CDK7: variants seen among roughly 807,000 people sequenced by gnomAD.
CDK7 encodes cyclin dependent kinase 7, also known as cyclin-dependent kinase 7.
A neutral mutation model predicts 49.1 loss-of-function variants in CDK7; 25 were observed. The observed-to-expected ratio is 0.51, with a 90% CI of 0.37 to 0.71. CDK7 has a LOEUF of 0.71. Among genes scored for constraint, CDK7 ranks in the 30% least tolerant of loss-of-function variants. The probability of loss-of-function intolerance (pLI) is 0.00; values close to 1 mark genes in which losing one functional copy is unlikely to be tolerated. For synonymous variants in CDK7, 107 were observed against 140.0 expected, an observed-to-expected ratio of 0.76 and a Z score of 1.67; for missense variants, 316 against 411.7, an observed-to-expected ratio of 0.77 and a Z score of 2.01.
chr5:69,235,423 G>A lies in CDK7; in HGVS notation c.96G>A (p.Lys32=). 6.2e-7 allele frequency: 1 copy of A among 1,606,136 alleles called. No homozygotes were observed. The highest frequency in any genetic ancestry group is 1.1e-5 in the South Asian group (1 of 90,822). Residue 32 remains lysine (K), a synonymous_variant, in exon 2 of 12, where the codon AAG becomes AAA. Coordinates refer to ENST00000256443, the MANE Select transcript of CDK7 (RefSeq NM_001799.4). ...CCACCGTTTACAAGGCCAGAGATAAGAACACCAACCAAATTGTCGCCATTA... is the reference window on the plus strand; with the variant it reads ...CCACCGTTTACAAGGCCAGAGATAAAAACACCAACCAAATTGTCGCCATTA... The part of the protein sequence containing the change: ...QFATVYKARD[K]NTNQIVAIKK...
At chr5:69,253,778 G>A (rs1054925100) in intron 3 of CDK7, among the ~76,000 whole-genome samples, 23 of 152,126 alleles carry the variant, frequency 1.5e-4, no homozygotes, top group African/African-American at 4.6e-4. Flanking sequence ...ACCATTTGTC[G>A]TAGTCTTTGT....
Position 69,272,946 on chromosome 5 carries a change from T to G in CDK7, c.769T>G (p.Leu257Val). 1 of 1,599,890 alleles carries G rather than the reference T, an allele frequency of 6.3e-7. No individual in the cohort carries two copies. Among genetic ancestry groups the G allele is most frequent in the Non-Finnish European group, 8.5e-7 (1 of 1,171,690 alleles). Residue 257 changes from leucine to valine, a missense_variant, in exon 10 of 12, where the codon TTG (leucine) becomes GTG (valine). By Grantham distance (32) the Leu-to-Val change is conservative. Coordinates refer to ENST00000256443, the MANE Select transcript of CDK7 (RefSeq NM_001799.4). ...VTFKSFPGIP[L>V]HHIFSAAGDD... ...ATTTAAGAGTTTCCCTGGAATACCT[T>G]TGCATCACATCTTCAGTGCAGCAGG... is the stretch of plus-strand genomic sequence containing the variant.
chr5:69,242,905 C>T (rs887816592), intron 2 of CDK7, among the ~76,000 whole-genome samples: 1 of 152,012 alleles, frequency 6.6e-6, no homozygotes, highest in African/African-American at 2.4e-5. Context: ...ATTATCCGGG[C>T]GTGGTGGTGC....
At chr5:69,254,106 A>C (rs917668172) in intron 3 of CDK7, among the ~76,000 whole-genome samples, 2 of 152,164 alleles carry the variant, frequency 1.3e-5, no homozygotes, top group Non-Finnish European at 2.9e-5. Flanking sequence ...TCTCAAAAAA[A>C]ATAAATAAAT....
chr5:69,270,354 A>C (rs764203429), intron 9 of CDK7, among the ~76,000 whole-genome samples: 2 of 152,156 alleles, frequency 1.3e-5, no homozygotes, highest in Non-Finnish European at 2.9e-5. Context: ...CTGAGGTAGG[A>C]GGATTGCTTG....
chr5:69,268,844 A>AC (rs1322895770), intron 8 of CDK7, among the ~76,000 whole-genome samples: 1 of 145,258 alleles, frequency 6.9e-6, no homozygotes, highest in African/African-American at 2.6e-5. Context: ...CAAAAAAAAA[A>AC]AAAAAACCCA....
intron 2 of CDK7, among the ~76,000 whole-genome samples, chr5:69,241,450 A>T (rs1230522940): frequency 6.6e-6 from 1 of 150,556 alleles, no homozygotes; most frequent in African/African-American, 2.4e-5. Flanking sequence ...CCTCCTGAGT[A>T]GCTGGGATTA....
At chr5:69,248,378 CTTTTCTTTT>C (rs1359750998) in intron 2 of CDK7, among the ~76,000 whole-genome samples, 1 of 151,548 alleles carries the variant, frequency 6.6e-6, no homozygotes, top group East Asian at 1.9e-4. Flanking sequence ...CTTTCTTTTT[CTTTTCTTTT>C]TTTTCTTTTT....
At chr5:69,252,490 TCTC>T (rs776795962) in intron 3 of CDK7, 39 bp downstream of exon 3, 2 of 971,396 alleles carry the variant, frequency 2.1e-6, no homozygotes, top group Non-Finnish European at 3.0e-6. Context: ...GGAAAAGTTT[TCTC>T]CTTTTTTTTT....
At chr5:69,236,346 A>G (rs1373701158) in intron 2 of CDK7, among the ~76,000 whole-genome samples, 3 of 152,008 alleles carry the variant, frequency 2.0e-5, no homozygotes, top group African/African-American at 7.2e-5. Flanking sequence ...AAGTAACCCT[A>G]TTTTATACTT....
intron 4 of CDK7, 137 bp downstream of exon 4, chr5:69,254,806 C>A: frequency 3.4e-6 from 2 of 582,166 alleles, no homozygotes; most frequent in South Asian, 2.3e-5. Context: ...ATTTTCTATC[C>A]CAGTTGTTTT....
chr5:69,272,745 C>T (rs1751697252), intron 9 of CDK7, 147 bp from the exon 10 acceptor site: 1 of 434,936 alleles, frequency 2.3e-6, no homozygotes, highest in Non-Finnish European at 4.1e-6. Flanking sequence ...TCCTTTTCAG[C>T]CTTGTCTTAC....
At chr5:69,261,526 A>ATGTGTGTATG (rs1750823079) in intron 7 of CDK7, among the ~76,000 whole-genome samples, 7 of 118,042 alleles carry the variant, frequency 5.9e-5, no homozygotes, top group Non-Finnish European at 1.3e-4. Context: ...GTGTGTGTGT[A>ATGTGTGTATG]TGTGTGTGTG....
At chr5:69,237,330 G>A (rs997946550) in intron 2 of CDK7, among the ~76,000 whole-genome samples, 2 of 152,104 alleles carry the variant, frequency 1.3e-5, no homozygotes, top group Admixed American at 6.6e-5. Context: ...TTCTGTCCCT[G>A]TACAAATTAA....
intron 2 of CDK7, among the ~76,000 whole-genome samples, chr5:69,251,974 A>G (rs945465966): frequency 2.6e-5 from 4 of 152,190 alleles, no homozygotes; most frequent in African/African-American, 9.7e-5. Flanking sequence ...AACCATCACA[A>G]TTTGTAATTT....
At chr5:69,247,656 T>G (rs1224741637) in intron 2 of CDK7, among the ~76,000 whole-genome samples, 1 of 152,156 alleles carries the variant, frequency 6.6e-6, no homozygotes, top group Non-Finnish European at 1.5e-5. Context: ...TTTCCTTCCT[T>G]CTGTCCTTTC....
chr5:69,260,842 G>A (rs1750766183), intron 7 of CDK7, among the ~76,000 whole-genome samples: 2 of 152,074 alleles, frequency 1.3e-5, no homozygotes, highest in South Asian at 4.1e-4. Flanking sequence ...TTTTGAGACA[G>A]GATCTCGCTC....
chr5:69,254,406 C>G (rs1224644023), intron 3 of CDK7, among the ~76,000 whole-genome samples, 196 bp from the exon 4 acceptor site: 3 of 151,414 alleles, frequency 2.0e-5, no homozygotes, highest in Non-Finnish European at 4.4e-5. Flanking sequence ...CCTGTAATCC[C>G]TGCTACTCTG....
At chr5:69,257,987 G>T in intron 5 of CDK7, 56 bp from the exon 6 acceptor site, 1 of 840,076 alleles carries the variant, frequency 1.2e-6, no homozygotes, top group South Asian at 1.5e-5. Flanking sequence ...GTTTTATGTG[G>T]TAGAGTTTAT....
Sources: allele counts gnomAD v4.1 joint callset (sites outside exome capture counted in the v4.1 genomes callset), GRCh38; gene constraint gnomAD v4.1.1; transcripts MANE v1.5; gene names NCBI Gene and HGNC (gene_info 2026-07-23, HGNC 2026-07-21).